Variants in COBL observed in about 807,000 individuals in gnomAD.
COBL encodes cordon-bleu WH2 repeat protein, also known as protein cordon-bleu.
In COBL, 51 loss-of-function variants were observed where a neutral mutation model predicts 98.8. The ratio of observed to expected loss-of-function variants is 0.52; its 90% confidence interval spans 0.41 to 0.65. The LOEUF (loss-of-function observed/expected upper bound fraction) is 0.65. Among genes scored for constraint, COBL ranks in the 30% least tolerant of loss-of-function variants. The probability of loss-of-function intolerance (pLI) is 0.00; values close to 1 mark genes in which losing one functional copy is unlikely to be tolerated. For missense variants in COBL, 1,617 were observed against 1,617.5 expected (o/e 1.00, Z 0.01); for synonymous variants, 634 against 651.7 (o/e 0.97, Z 0.41).
intron 6 of COBL, among the ~76,000 whole-genome samples, chr7:51,134,017 G>GAAAATGAACCTTAAA (rs1316738954): frequency 6.6e-5 from 10 of 152,170 alleles, no homozygotes; most frequent in Non-Finnish European, 1.2e-4. Flanking sequence ...TCATGTCCCT[G>GAAAATGAACCTTAAA]AAAATGAACC....
At chr7:51,284,974 G>A (rs1423877786) in intron 1 of COBL, among the ~76,000 whole-genome samples, 2 of 147,790 alleles carry the variant, frequency 1.4e-5, no homozygotes, top group Non-Finnish European at 3.0e-5. Context: ...TTGAGACAGA[G>A]TCTTGGTCTG....
At chr7:51,043,776 C>T (rs755715833) in intron 7 of COBL, 84 bp from the exon 8 acceptor site, 14 of 1,241,426 alleles carry the variant, frequency 1.1e-5, no homozygotes, top group Admixed American at 4.5e-5. Flanking sequence ...AGTCTGTCGG[C>T]CCCGCTCTAA....
At position 51,294,478 on chromosome 7, in the gene COBL, C is replaced by CA. The variant is rs893789663; in HGVS notation, c.41+22114dup. On this transcript the variant is annotated intron_variant, in intron 1 of 12. Coordinates refer to ENST00000265136, the MANE Select transcript of COBL (RefSeq NM_015198.5). The stretch of plus-strand genomic sequence containing the variant: ...TGAAACCCTATTTCTACTAAAAATA[C>CA]AAAAAAAAAATAAAAGTAGCTGGGT... 5.9e-4 allele frequency among the ~76,000 whole-genome samples: 84 copies of CA among 142,976 alleles called. 1 individual carries two copies. The East Asian group carries it at 7.3e-3, about 12-fold the overall frequency. 93.8% of individuals were successfully genotyped at this position (142,976 alleles called of 152,430 possible). A position where few individuals can be genotyped will look rare whatever the true frequency, so the allele number is the denominator to read the frequency against.
rs550725770 is a variant in COBL at position 51,304,640 on chromosome 7, G to A, written c.41+11953C>T. On this transcript the variant is annotated intron_variant, in intron 1 of 12. Transcript: ENST00000265136. Reference sequence around the variant, plus strand: ...CTTTGTAAAAACAGGTGTCAGGACAGAGTTTCACATCTATTATATGTTCTT... The same window carrying A: ...CTTTGTAAAAACAGGTGTCAGGACAAAGTTTCACATCTATTATATGTTCTT... Among the ~76,000 whole-genome samples the A allele has an allele frequency of 1.7e-3, 253 of 152,256 alleles. 2 individuals carry two copies. The highest frequency in any genetic ancestry group is 5.9e-3 in the Admixed American group (90 of 15,296).
intron 6 of COBL, among the ~76,000 whole-genome samples, chr7:51,131,874 G>A (rs966354668): frequency 2.6e-5 from 4 of 152,184 alleles, no homozygotes; most frequent in Non-Finnish European, 5.9e-5. Context: ...TTACAGGCAT[G>A]AGCCACCATG....
chr7:51,143,584 C>T (rs1784755372), intron 5 of COBL, among the ~76,000 whole-genome samples: 1 of 152,190 alleles, frequency 6.6e-6, no homozygotes, highest in South Asian at 2.1e-4. Flanking sequence ...AGAAACTCGG[C>T]TGTAGATGTG....
At chr7:51,285,719 T>C (rs2129181509) in intron 1 of COBL, among the ~76,000 whole-genome samples, 1 of 152,322 alleles carries the variant, frequency 6.6e-6, no homozygotes, top group South Asian at 2.1e-4. Context: ...GCATGGCTGT[T>C]TTTGTAGACA....
chr7:51,278,469 TC>T (rs1433377481), intron 1 of COBL, among the ~76,000 whole-genome samples: 3 of 145,038 alleles, frequency 2.1e-5, no homozygotes. Context: ...AACCTCTGCC[TC>T]CCATGTTCTA....
At position 51,018,905 on chromosome 7, in the gene COBL, AATATATATATATATATATATATATAT is replaced by A. The variant is rs71018490; in HGVS notation, c.3769-1363_3769-1338del. Among the ~76,000 whole-genome samples, 7 of 34,448 alleles carry A rather than the reference AATATATATATATATATATATATATAT, an allele frequency of 2.0e-4. 1 individual carries two copies. The highest frequency in any genetic ancestry group is 1.4e-3 in the Admixed American group (4 of 2,958). 22.6% of individuals were successfully genotyped at this position (34,448 alleles called of 152,430 possible). ...AAACTCCATCTCAAAAAAAAAAAAA[AATATATATATATATATATATATATAT>A]ATATATATATATATATATATATGAT... On this transcript the variant is annotated intron_variant, in intron 12 of 12. Coordinates refer to ENST00000265136, the MANE Select transcript of COBL (RefSeq NM_015198.5).
At chr7:51,156,879 A>AG (rs1184352946) in intron 5 of COBL, among the ~76,000 whole-genome samples, 3 of 152,156 alleles carry the variant, frequency 2.0e-5, no homozygotes, top group Non-Finnish European at 4.4e-5. Context: ...GGTGCCCCTA[A>AG]GCTGGATTCC....
At chr7:51,082,726 C>T (rs1465783466) in intron 7 of COBL, among the ~76,000 whole-genome samples, 7 of 152,218 alleles carry the variant, frequency 4.6e-5, no homozygotes, top group East Asian at 1.9e-4. Context: ...GATCACACGA[C>T]GGCTGTGCCG....
At chr7:51,259,694 T>C (rs1210134359) in intron 1 of COBL, 4 of 739,020 alleles carry the variant, frequency 5.4e-6, no homozygotes, top group Admixed American at 3.4e-5. Context: ...ATTCTTGACC[T>C]TGGCTCATCC....
At chr7:51,089,830 T>C (rs898288595) in intron 6 of COBL, among the ~76,000 whole-genome samples, 2 of 22,250 alleles carry the variant, frequency 9.0e-5, no homozygotes, top group East Asian at 1.2e-3. Flanking sequence ...CCATTTATCT[T>C]TTTTTTTTTC....
At chr7:51,147,039 T>C (rs1023991495) in intron 5 of COBL, among the ~76,000 whole-genome samples, 1 of 152,114 alleles carries the variant, frequency 6.6e-6, no homozygotes, top group Admixed American at 6.5e-5. Context: ...CCAGGGTCCC[T>C]GCATAGGGAC....
At position 51,063,290 on chromosome 7, in the gene COBL, G is replaced by A. The variant is rs113972628; in HGVS notation, c.1097-19598C>T. On this transcript the variant is annotated intron_variant, in intron 7 of 12. Transcript: ENST00000265136. ...GCTGGGATTACAGGCACCCACCACCGCGCCCGGCTAATTTTTGTATTTTCA... is the reference window on the plus strand; with the variant it reads ...GCTGGGATTACAGGCACCCACCACCACGCCCGGCTAATTTTTGTATTTTCA... Among the ~76,000 whole-genome samples the A allele has an allele frequency of 6.6e-5, 10 of 151,870 alleles. 1 individual carries two copies. Among genetic ancestry groups the A allele is most frequent in the African/African-American group, 1.2e-4 (5 of 41,424 alleles).
intron 4 of COBL, among the ~76,000 whole-genome samples, chr7:51,187,488 A>G (rs1019414763): frequency 8.5e-5 from 13 of 152,146 alleles, no homozygotes; most frequent in African/African-American, 3.1e-4. Context: ...TATGACAGAA[A>G]AGGTTAAATT....
At chr7:51,246,937 A>T (rs1487670296) in intron 1 of COBL, among the ~76,000 whole-genome samples, 3 of 152,214 alleles carry the variant, frequency 2.0e-5, no homozygotes, top group African/African-American at 7.2e-5. Flanking sequence ...GTCCCCACCA[A>T]GTCCTAAACA....
At chr7:51,188,058 C>CA in intron 4 of COBL, 1 of 970,924 alleles carries the variant, frequency 1.0e-6, no homozygotes, top group Non-Finnish European at 1.3e-6. Context: ...GGGGGGCTGT[C>CA]CTGCTGCAGC....
chr7:51,092,371 G>A (rs1015599030), intron 6 of COBL, among the ~76,000 whole-genome samples: 13 of 152,128 alleles, frequency 8.5e-5, no homozygotes, highest in African/African-American at 3.1e-4. Context: ...ATGTCATAGA[G>A]CTTCCCTCTA....
Sources: allele counts gnomAD v4.1 joint callset (sites outside exome capture counted in the v4.1 genomes callset), GRCh38; gene constraint gnomAD v4.1.1; transcripts MANE v1.5; gene names NCBI Gene and HGNC (gene_info 2026-07-23, HGNC 2026-07-21).